PARD3: variants seen among roughly 807,000 people sequenced by gnomAD.
PARD3 encodes the protein par-3 family cell polarity regulator.
PARD3 carries 75 observed loss-of-function variants against 155.4 expected under a neutral mutation model. The ratio of observed to expected loss-of-function variants is 0.48; its 90% confidence interval spans 0.40 to 0.58. PARD3 has a LOEUF of 0.58. Among genes scored for constraint, PARD3 ranks in the 20% least tolerant of loss-of-function variants. The pLI is 0.00. For missense variants in PARD3, 1,642 were observed against 1,721.7 expected, an observed-to-expected ratio of 0.95 and a Z score of 0.82; for synonymous variants, 576 against 610.5, an observed-to-expected ratio of 0.94 and a Z score of 0.83.
At chr10:34,307,547 A>C (rs938416065) in intron 20 of PARD3, among the ~76,000 whole-genome samples, 2 of 152,142 alleles carry the variant, frequency 1.3e-5, no homozygotes, top group Admixed American at 1.3e-4. Context: ...TCTGAGGGTG[A>C]AGAGTGCAGA....
chr10:34,790,189 T>C (rs1841467976), intron 1 of PARD3, among the ~76,000 whole-genome samples: 1 of 152,218 alleles, frequency 6.6e-6, no homozygotes, highest in African/African-American at 2.4e-5. Flanking sequence ...GGATTACTTG[T>C]GGTGTTCTCA....
chr10:34,211,773 C>T (rs1006436415), intron 22 of PARD3, among the ~76,000 whole-genome samples: 37 of 151,612 alleles, frequency 2.4e-4, no homozygotes, highest in African/African-American at 8.7e-4. Context: ...GAGCAAGACT[C>T]CATCTCAAAA....
chr10:34,116,396 G>A (rs1946672899), intron 24 of PARD3, among the ~76,000 whole-genome samples: 1 of 152,136 alleles, frequency 6.6e-6, no homozygotes, highest in Non-Finnish European at 1.5e-5. Context: ...TCTGTTAATT[G>A]TCAACATCCG....
At chr10:34,657,982 T>C in intron 2 of PARD3, among the ~76,000 whole-genome samples, 1 of 152,044 alleles carries the variant, frequency 6.6e-6, no homozygotes, top group East Asian at 2.0e-4. Context: ...CTGTCTCTAC[T>C]GAAAATACAA....
At chr10:34,508,358 T>C (rs1028022750) in intron 3 of PARD3, among the ~76,000 whole-genome samples, 3 of 152,178 alleles carry the variant, frequency 2.0e-5, no homozygotes, top group Admixed American at 6.5e-5. Flanking sequence ...AGCAACACCA[T>C]TTCCAGAAAT....
Position 34,565,260 on chromosome 10 carries a change from C to CTTTTTTTTTTTTTT in PARD3, c.223-48115_223-48102dup, listed in dbSNP as rs59606413. On this transcript the variant is annotated intron_variant, in intron 2 of 24. Coordinates refer to ENST00000374788, the MANE Select transcript of PARD3 (RefSeq NM_001184785.2). ...TCAGATAAAAGACAAAGGAGCAAGG[C>CTTTTTTTTTTTTTT]TTTTTTTTTTTTTTTTTTTTTTTTT... Among the ~76,000 whole-genome samples, 9 of 39,670 alleles carry CTTTTTTTTTTTTTT rather than the reference C, an allele frequency of 2.3e-4. 2 individuals are homozygous for CTTTTTTTTTTTTTT. Among genetic ancestry groups the CTTTTTTTTTTTTTT allele is most frequent in the African/African-American group, 8.8e-4 (8 of 9,064 alleles). The allele number at this position is 39,670 out of a possible 152,430, so 26.0% of individuals were successfully genotyped here.
rs1414343645 is a variant in PARD3, at chr10:34,681,750, ATATATATATATATATATATTTTTTTTT to A, written c.222+14541_222+14567del. ...GTATTTTATATATATATATATATAT[ATATATATATATATATATATTTTTTTTT>A]TTTTTTTTTTTTTTTTTTTTTTTAA... On this transcript the variant is annotated intron_variant, in intron 2 of 24. Coordinates refer to ENST00000374788, the MANE Select transcript of PARD3 (RefSeq NM_001184785.2). Among the ~76,000 whole-genome samples the A allele has an allele frequency of 8.5e-4, 14 of 16,468 alleles. 1 individual carries two copies. Among genetic ancestry groups the A allele is most frequent in the African/African-American group, 4.0e-3 (13 of 3,226 alleles). 10.8% of individuals were successfully genotyped at this position (16,468 alleles called of 152,430 possible).
At chr10:34,484,163 C>T (rs2079282748) in intron 3 of PARD3, among the ~76,000 whole-genome samples, 2 of 152,180 alleles carry the variant, frequency 1.3e-5, no homozygotes, top group Non-Finnish European at 2.9e-5. Flanking sequence ...AGCAAGAAGG[C>T]AGTTTCCCAT....
At chr10:34,479,786 C>T (rs879663814) in intron 3 of PARD3, among the ~76,000 whole-genome samples, 3 of 152,082 alleles carry the variant, frequency 2.0e-5, no homozygotes, top group Non-Finnish European at 2.9e-5. Flanking sequence ...CAAATGACAG[C>T]ACCTCCTCCA....
intron 2 of PARD3, among the ~76,000 whole-genome samples, chr10:34,574,018 A>T (rs1191131309): frequency 6.6e-6 from 1 of 152,142 alleles, no homozygotes; most frequent in African/African-American, 2.4e-5. Context: ...TTTGAGAGCA[A>T]ATTAGCCTAT....
intron 2 of PARD3, among the ~76,000 whole-genome samples, chr10:34,603,973 G>A (rs981672809): frequency 2.6e-5 from 4 of 152,022 alleles, no homozygotes; most frequent in Non-Finnish European, 4.4e-5. Flanking sequence ...TCCCAGGTGC[G>A]TCCAGGAACA....
intron 15 of PARD3, chr10:34,344,602 T>G: frequency 1.0e-6 from 1 of 985,354 alleles, no homozygotes; most frequent in Non-Finnish European, 1.2e-6. Context: ...TGTTTTTTAT[T>G]GTTAGTTAAG....
intron 22 of PARD3, among the ~76,000 whole-genome samples, chr10:34,232,245 T>A (rs1350138645): frequency 6.6e-6 from 1 of 152,106 alleles, no homozygotes; most frequent in African/African-American, 2.4e-5. Context: ...TCACAAAATG[T>A]TTCTTCCAAG....
At chr10:34,409,150 T>C (rs1236011080) in intron 5 of PARD3, among the ~76,000 whole-genome samples, 3 of 152,108 alleles carry the variant, frequency 2.0e-5, no homozygotes, top group African/African-American at 4.8e-5. Context: ...CCCAGAGAAA[T>C]GAAATGCCTC....
At chr10:34,533,472 C>G (rs1327038892) in intron 2 of PARD3, among the ~76,000 whole-genome samples, 1 of 152,044 alleles carries the variant, frequency 6.6e-6, no homozygotes, top group Non-Finnish European at 1.5e-5. Context: ...TTCAATCACT[C>G]TATATCAACT....
intron 21 of PARD3, among the ~76,000 whole-genome samples, chr10:34,281,246 A>G (rs955819510): frequency 4.6e-5 from 7 of 152,182 alleles, no homozygotes; most frequent in Non-Finnish European, 8.8e-5. Flanking sequence ...CTGAAACACA[A>G]GTCAGAGGCA....
intron 1 of PARD3, among the ~76,000 whole-genome samples, chr10:34,788,091 T>C (rs914971370): frequency 2.0e-5 from 3 of 151,938 alleles, no homozygotes; most frequent in African/African-American, 7.3e-5. Flanking sequence ...AGCCCCAGCA[T>C]GCATTTATAA....
rs1037082664 is a variant in PARD3 at position 34,608,597 on chromosome 10, C to T, written c.222+87721G>A. ...TCACCCAGGCTGGAGTGCAATGGCC[C>T]GATCTTGGCTCACTGCAACCTCCAC... On this transcript the variant is annotated intron_variant, in intron 2 of 24. Coordinates refer to ENST00000374788, the MANE Select transcript of PARD3 (RefSeq NM_001184785.2). Among the ~76,000 whole-genome samples the T allele has an allele frequency of 7.4e-5, 11 of 149,246 alleles. No individual in the cohort carries two copies. The South Asian group carries it at 1.3e-3, about 17-fold the overall frequency.
chr10:34,369,316 G>A (rs7094620), intron 12 of PARD3, among the ~76,000 whole-genome samples: 581 of 56,164 alleles, frequency 0.01, 8 homozygotes, highest in African/African-American at 0.021. Flanking sequence ...TTATTTATTT[G>A]TTTATTTATT....
Sources: gnomAD v4.1 joint callset for allele counts (sites outside exome capture counted in the v4.1 genomes callset) on GRCh38, gnomAD v4.1.1 for gene constraint, MANE v1.5 for transcripts, NCBI Gene and HGNC (gene_info 2026-07-23, HGNC 2026-07-21) for gene names.